RLIM: variants seen among roughly 807,000 people sequenced by gnomAD.
RLIM encodes the protein E3 ubiquitin-protein ligase RLIM.
Under a neutral mutation model 34.0 loss-of-function variants are expected in RLIM, and 2 were observed. The ratio of observed to expected loss-of-function variants is 0.06; its 90% confidence interval spans 0.02 to 0.19. The LOEUF (loss-of-function observed/expected upper bound fraction) is 0.19. Among genes scored for constraint, RLIM ranks in the 10% least tolerant of loss-of-function variants. The pLI is 1.00. For synonymous variants in RLIM, 169 were observed against 164.0 expected (o/e 1.03, Z -0.23); for missense variants, 286 against 479.7 (o/e 0.60, Z 3.77).
chrX:74,595,055 G>T (rs919802570), intron 2 of RLIM, among the ~76,000 whole-genome samples: 3 of 111,105 alleles, frequency 2.7e-5, no homozygotes, highest in Admixed American at 9.6e-5. Context: ...AAATAAGTAA[G>T]TAATTTTTAA....
chrX:74,609,412 C>T (rs187445957), intron 1 of RLIM, among the ~76,000 whole-genome samples: 12 of 93,379 alleles, frequency 1.3e-4, no homozygotes, highest in East Asian at 3.6e-4. Flanking sequence ...GGCGTGAACC[C>T]GGGAGGCAGA....
chrX:74,601,151 G>A (rs1047432098), intron 1 of RLIM, among the ~76,000 whole-genome samples: 4 of 111,665 alleles, frequency 3.6e-5, no homozygotes, highest in African/African-American at 6.5e-5. Context: ...TATGGAGGGG[G>A]GTGTATCAGG....
intron 1 of RLIM, among the ~76,000 whole-genome samples, chrX:74,610,262 C>T (rs966382138): frequency 9.0e-6 from 1 of 110,951 alleles, no homozygotes; most frequent in Admixed American, 9.6e-5. Flanking sequence ...AGTAAAAATA[C>T]AAAAGTTAGC....
At chrX:74,611,044 T>C (rs530918487) in intron 1 of RLIM, among the ~76,000 whole-genome samples, 124 of 112,183 alleles carry the variant, frequency 1.1e-3, no homozygotes, top group Middle Eastern at 4.7e-3. Flanking sequence ...CTTTCTTATA[T>C]TGGACATCAG....
rs1238986252 is a variant in RLIM, at chrX:74,614,564, A to C, written c.-166T>G. 1 of 112,131 alleles carries C rather than the reference A, an allele frequency of 8.9e-6. No individual in the cohort carries two copies. The highest frequency in any genetic ancestry group is 3.2e-5 in the African/African-American group (1 of 30,792). The allele number at this position is 112,131 out of a possible 1,213,427, so 9.2% of individuals were successfully genotyped here. ...CCTCTAGCCCAGCGCCTGCTCGGAG[A>C]CGTTGCTCAGGCAGCCATTATCTTC... On this transcript the variant is annotated 5_prime_UTR_variant, in exon 1 of 4. Coordinates refer to ENST00000332687, the MANE Select transcript of RLIM (RefSeq NM_016120.4).
chrX:74,594,239 C>T, intron 3 of RLIM, 67 bp downstream of exon 3: 1 of 770,592 alleles, frequency 1.3e-6, no homozygotes, highest in East Asian at 3.5e-5. Context: ...CTTTGGCTGA[C>T]ATTTACTATT....
intron 1 of RLIM, among the ~76,000 whole-genome samples, chrX:74,607,754 A>C (rs370411779): frequency 7.8e-4 from 88 of 112,349 alleles, no homozygotes; most frequent in African/African-American, 2.3e-3. Context: ...CACACACACA[A>C]AAAAAACAAA....
At chrX:74,602,926 T>C (rs2079667354) in intron 1 of RLIM, among the ~76,000 whole-genome samples, 1 of 110,599 alleles carries the variant, frequency 9.0e-6, no homozygotes, top group Non-Finnish European at 1.9e-5. Flanking sequence ...AGGTCAATAG[T>C]TAAAGACATG....
In RLIM at chrX:74,592,422, G is replaced by A; in HGVS notation, c.893C>T (p.Ala298Val). 8.3e-7 allele frequency: 1 copy of A among 1,211,844 alleles called. No homozygotes were observed. The highest frequency in any genetic ancestry group is 1.1e-6 in the Non-Finnish European group (1 of 895,549). The part of the protein sequence containing the change: ...ASGTRNASQG[A>V]GSSDTAASGE... Reference sequence around the variant, plus strand: ...ACTGGCAGCTGTGTCTGAAGAACCTGCTCCTTGAGAAGCATTTCTTGTTCC... The same window carrying A: ...ACTGGCAGCTGTGTCTGAAGAACCTACTCCTTGAGAAGCATTTCTTGTTCC... Residue 298 changes from alanine (A) to valine (V), a missense_variant, in exon 4 of 4, where the codon GCA (alanine) becomes GTA (valine). Ala to Val is a moderately conservative substitution (Grantham distance 64). Coordinates refer to ENST00000332687, the MANE Select transcript of RLIM (RefSeq NM_016120.4).
intron 1 of RLIM, among the ~76,000 whole-genome samples, chrX:74,599,229 T>A (rs1475641744): frequency 1.8e-5 from 2 of 111,976 alleles, no homozygotes; most frequent in Non-Finnish European, 3.8e-5. Flanking sequence ...TAGCCAAAAA[T>A]TCTTGTCATT....
At position 74,609,154 on chromosome X, in the gene RLIM, C is replaced by CA. The variant is rs1273340793; in HGVS notation, c.-24+5267dup. Among the ~76,000 whole-genome samples, 7 of 111,124 alleles carry CA rather than the reference C, an allele frequency of 6.3e-5. No homozygotes were observed. The Admixed American group carries it at 6.7e-4, about 11-fold the overall frequency. ...TTTTAAGGACCTAAGATTTTTCCAT[C>CA]AAAAATCAGGTTTTTAAAGATTGAA... On this transcript the variant is annotated intron_variant, in intron 1 of 3. Transcript: ENST00000332687.
intron 1 of RLIM, among the ~76,000 whole-genome samples, chrX:74,605,983 C>T (rs1266924690): frequency 3.6e-5 from 4 of 111,844 alleles, no homozygotes; most frequent in South Asian, 3.7e-4. Flanking sequence ...AAGACAACTG[C>T]CTCCCAACAT....
At chrX:74,607,646 T>C (rs767480086) in intron 1 of RLIM, among the ~76,000 whole-genome samples, 2 of 112,057 alleles carry the variant, frequency 1.8e-5, no homozygotes, top group South Asian at 3.7e-4. Context: ...GAGGTGGAGG[T>C]TGCAGTGAGC....
At chrX:74,612,835 TGA>T (rs1426877198) in intron 1 of RLIM, among the ~76,000 whole-genome samples, 2 of 111,551 alleles carry the variant, frequency 1.8e-5, no homozygotes, top group Non-Finnish European at 3.8e-5. Flanking sequence ...CTTCTAAGAC[TGA>T]GAGACAATTT....
chrX:74,596,370 G>A (rs1411361672), intron 1 of RLIM, among the ~76,000 whole-genome samples: 2 of 111,612 alleles, frequency 1.8e-5, no homozygotes, highest in Admixed American at 9.5e-5. Flanking sequence ...TCAGCCTCCC[G>A]AAGTAGCTGG....
At chrX:74,613,469 G>A (rs979001471) in intron 1 of RLIM, among the ~76,000 whole-genome samples, 2 of 110,475 alleles carry the variant, frequency 1.8e-5, no homozygotes, top group South Asian at 7.8e-4. Context: ...TAAGTATGGT[G>A]AAACTGTCTA....
rs186310621 is a variant in RLIM, at chrX:74,591,707, G to A, written c.1608C>T (p.Leu536=). 11 of 1,210,113 alleles carry A rather than the reference G, an allele frequency of 9.1e-6. No individual in the cohort carries two copies. In the East Asian group the frequency reaches 3.3e-4, roughly 36 times the overall value. The change falls in exon 4 of 4, where the codon CTC becomes CTT. Residue 536 remains leucine (L), a synonymous_variant. Transcript: ENST00000332687. ...GTTGGTCATCATCATCCTCATTTAAGAGGAAAAACTGAGCCAGGCTAAGGA... is the reference window on the plus strand; with the variant it reads ...GTTGGTCATCATCATCCTCATTTAAAAGGAAAAACTGAGCCAGGCTAAGGA... ...LPFLSLAQFF[L]LNEDDDDQPR... is the part of the protein sequence containing the mutation.
intron 1 of RLIM, among the ~76,000 whole-genome samples, chrX:74,613,708 T>C (rs888342767): frequency 1.9e-5 from 2 of 107,508 alleles, no homozygotes; most frequent in Admixed American, 1.0e-4. Flanking sequence ...ACTTGAAAAT[T>C]TGGCCCAATT....
chrX:74,597,368 T>C (rs985149625), intron 1 of RLIM, among the ~76,000 whole-genome samples: 1 of 112,282 alleles, frequency 8.9e-6, no homozygotes, highest in Admixed American at 9.5e-5. Context: ...GTTTTCTCTT[T>C]GGCTCTTGAT....
Sources: gnomAD v4.1 joint callset for allele counts (sites outside exome capture counted in the v4.1 genomes callset) on GRCh38, gnomAD v4.1.1 for gene constraint, MANE v1.5 for transcripts, NCBI Gene and HGNC (gene_info 2026-07-23, HGNC 2026-07-21) for gene names.